Variants in ITPK1 observed in about 807,000 individuals in gnomAD.
ITPK1 encodes the protein inositol-tetrakisphosphate 1-kinase, also known as inositol 1,3,4-trisphosphate 5/6-kinase.
A neutral mutation model predicts 45.3 loss-of-function variants in ITPK1; 21 were observed. That is an observed-to-expected ratio of 0.46 (90% CI 0.33 to 0.67). The LOEUF is 0.67. ITPK1 is among the 30% of genes least tolerant of loss of function. The pLI, the probability that ITPK1 is intolerant of heterozygous loss-of-function variation, is 0.02. For synonymous variants in ITPK1, 258 were observed against 253.6 expected (o/e 1.02, Z -0.16); for missense variants, 474 against 573.5 (o/e 0.83, Z 1.77).
chr14:93,010,131 G>A (rs1425524674), intron 4 of ITPK1, among the ~76,000 whole-genome samples: 1 of 152,118 alleles, frequency 6.6e-6, no homozygotes, highest in Admixed American at 6.5e-5. Flanking sequence ...CCCCTTCCCG[G>A]GGCCCATGGT....
chr14:93,099,755 C>T (rs1462897693), intron 2 of ITPK1, among the ~76,000 whole-genome samples: 3 of 152,200 alleles, frequency 2.0e-5, no homozygotes, highest in African/African-American at 7.2e-5. Flanking sequence ...CCAGCACTCC[C>T]ACCCAGCTGC....
At chr14:92,957,715 G>A (rs922952113) in intron 8 of ITPK1, among the ~76,000 whole-genome samples, 2 of 152,220 alleles carry the variant, frequency 1.3e-5, no homozygotes, top group Admixed American at 6.5e-5. Context: ...CTCACAGTCT[G>A]ATTTACCCTG....
chr14:93,047,925 T>C (rs894119917), intron 3 of ITPK1, among the ~76,000 whole-genome samples: 1 of 152,232 alleles, frequency 6.6e-6, no homozygotes, highest in Non-Finnish European at 1.5e-5. Flanking sequence ...ACAAGGAGCA[T>C]GAAAAGTGAA....
Position 93,111,571 on chromosome 14 carries a change from C to T in ITPK1, c.95+3498G>A, listed in dbSNP as rs1247250134. On this transcript the variant is annotated intron_variant, in intron 2 of 10. Coordinates refer to ENST00000267615, the MANE Select transcript of ITPK1 (RefSeq NM_014216.6). ...ACTAAAAATACAAAAATTAGCCAGG[C>T]GTGGTGGTGCGCACCTGTAATCCCA... is the stretch of plus-strand genomic sequence containing the variant. 4.6e-5 allele frequency among the ~76,000 whole-genome samples: 7 copies of T among 152,012 alleles called. No homozygotes were observed. In the East Asian group the frequency reaches 9.7e-4, roughly 21 times the overall value.
intron 5 of ITPK1, among the ~76,000 whole-genome samples, chr14:92,972,620 ACT>A (rs1442842195): frequency 6.6e-6 from 1 of 152,000 alleles, no homozygotes; most frequent in Non-Finnish European, 1.5e-5. Flanking sequence ...ACAGAGTCTC[ACT>A]CTGTCACCCA....
intron 2 of ITPK1, among the ~76,000 whole-genome samples, chr14:93,087,224 G>A (rs1416602419): frequency 6.6e-6 from 1 of 152,164 alleles, no homozygotes. Context: ...CACATTCCTT[G>A]GCTTGTGGCC....
intron 3 of ITPK1, among the ~76,000 whole-genome samples, chr14:93,051,828 T>C (rs1890027811): frequency 6.6e-6 from 1 of 152,232 alleles, no homozygotes; most frequent in African/African-American, 2.4e-5. Context: ...AGCCCTTCCA[T>C]TGTAACGCTA....
intron 3 of ITPK1, among the ~76,000 whole-genome samples, chr14:93,029,614 G>A (rs1230119661): frequency 3.3e-5 from 5 of 152,110 alleles, no homozygotes; most frequent in Non-Finnish European, 7.4e-5. Flanking sequence ...TAGCCAAGCC[G>A]GCAGGCCACA....
chr14:93,051,873 T>C (rs1274210120), intron 3 of ITPK1, among the ~76,000 whole-genome samples: 1 of 152,258 alleles, frequency 6.6e-6, no homozygotes, highest in Non-Finnish European at 1.5e-5. Context: ...GTTATGGCTA[T>C]GGGGTACTCA....
At chr14:93,107,636 G>A (rs539465249) in intron 2 of ITPK1, among the ~76,000 whole-genome samples, 1 of 152,328 alleles carries the variant, frequency 6.6e-6, no homozygotes, top group South Asian at 2.1e-4. Context: ...TCAAGGGCCT[G>A]GAGGGGTGGG....
At chr14:93,029,266 G>C (rs149112843) in intron 3 of ITPK1, among the ~76,000 whole-genome samples, 4,056 of 152,154 alleles carry the variant, frequency 0.027, 98 homozygotes, top group Admixed American at 0.085. Flanking sequence ...CCCTTCCCTA[G>C]AGCCAACACC....
intron 4 of ITPK1, among the ~76,000 whole-genome samples, chr14:93,009,149 C>T (rs76912299): frequency 0.081 from 12,378 of 152,194 alleles, 592 homozygotes; most frequent in East Asian, 0.23. Context: ...CCTGTATTGC[C>T]TGGGATAGCC....
rs939523475 is a variant in ITPK1, at chr14:93,034,359, G to T, written c.121-17558C>A. Among the ~76,000 whole-genome samples the T allele has an allele frequency of 1.3e-5, 2 of 152,008 alleles. No homozygotes were observed. The highest frequency in any genetic ancestry group is 1.3e-4 in the Admixed American group (2 of 15,262). On this transcript the variant is annotated intron_variant, in intron 3 of 10. Transcript: ENST00000267615. This position sits in a 1 kb window ranked among gnomAD's most constrained non-coding sequence, Gnocchi z 4.1. ...GACTGGGCTCACAAAATGCAAAAAG[G>T]CTCCTGAGTCTCTTGATTCTGACCC... is the stretch of plus-strand genomic sequence containing the variant.
chr14:92,968,339 A>T (rs1885481209), intron 5 of ITPK1, among the ~76,000 whole-genome samples: 1 of 152,182 alleles, frequency 6.6e-6, no homozygotes, highest in Admixed American at 6.5e-5. Flanking sequence ...CAAAAAAAAA[A>T]TAGAAAGGTA....
At chr14:93,111,730 C>T (rs1892763115) in intron 2 of ITPK1, among the ~76,000 whole-genome samples, 1 of 147,832 alleles carries the variant, frequency 6.8e-6, no homozygotes, top group South Asian at 2.1e-4. Flanking sequence ...AAAAAAAAGC[C>T]ACAAAGAGGG....
chr14:93,102,225 C>G lies in ITPK1; in HGVS notation c.95+12844G>C, dbSNP rs138642585. Reference sequence around the variant, plus strand: ...TGGCCTCTCCACAGCTACAGGCTTCCCCAGAGCAGCGAGAGGATGGGGCAC... The same window carrying G: ...TGGCCTCTCCACAGCTACAGGCTTCGCCAGAGCAGCGAGAGGATGGGGCAC... On this transcript the variant is annotated intron_variant, in intron 2 of 10. Transcript: ENST00000267615. 9.4e-3 allele frequency among the ~76,000 whole-genome samples: 1,434 copies of G among 152,366 alleles called. 13 individuals carry two copies. The highest frequency in any genetic ancestry group is 0.027 in the Middle Eastern group (8 of 294).
chr14:93,001,996 G>C (rs1456532147), intron 4 of ITPK1, among the ~76,000 whole-genome samples: 1 of 152,162 alleles, frequency 6.6e-6, no homozygotes, highest in East Asian at 1.9e-4. Context: ...TGCAGGAATG[G>C]ACATGTTTCC....
chr14:92,946,128 C>T (rs1013256876), intron 10 of ITPK1, among the ~76,000 whole-genome samples: 1 of 152,130 alleles, frequency 6.6e-6, no homozygotes, highest in Non-Finnish European at 1.5e-5. Context: ...CCCAGGTGGA[C>T]GTGCAGCTCT....
At chr14:92,965,904 G>A (rs901100769) in intron 5 of ITPK1, among the ~76,000 whole-genome samples, 1 of 152,206 alleles carries the variant, frequency 6.6e-6, no homozygotes, top group Non-Finnish European at 1.5e-5. Flanking sequence ...TCAGGAGGCC[G>A]AGGCAGGAGA....
Sources: allele counts gnomAD v4.1 joint callset (sites outside exome capture counted in the v4.1 genomes callset), GRCh38; gene constraint gnomAD v4.1.1; non-coding constraint Gnocchi (gnomAD v3.1); transcripts MANE v1.5; gene names NCBI Gene and HGNC (gene_info 2026-07-23, HGNC 2026-07-21).